The following MEI1 variants were observed in gnomAD, a reference collection of about 807,000 sequenced individuals.
MEI1 encodes the protein meiotic double-stranded break formation protein 1.
Under a neutral mutation model 146.2 loss-of-function variants are expected in MEI1, and 103 were observed. That is an observed-to-expected ratio of 0.70 (90% confidence interval 0.60 to 0.83). The LOEUF (loss-of-function observed/expected upper bound fraction) is 0.83, where lower values mean the gene tolerates loss of function less well. MEI1 is among the 40% of genes least tolerant of loss of function. The probability of loss-of-function intolerance (pLI) is 0.00; values close to 1 mark genes in which losing one functional copy is unlikely to be tolerated. For synonymous variants in MEI1, 652 were observed against 628.2 expected, an observed-to-expected ratio of 1.04 and a Z score of -0.57; for missense variants, 1,529 against 1,533.0, an observed-to-expected ratio of 1.00 and a Z score of 0.04.
At chr22:41,718,715 G>T (rs1038039703) in intron 6 of MEI1, among the ~76,000 whole-genome samples, 2 of 152,062 alleles carry the variant, frequency 1.3e-5, no homozygotes, top group African/African-American at 4.8e-5. Context: ...AAAACTTATT[G>T]GTTCAGAAAT....
intron 1 of MEI1, among the ~76,000 whole-genome samples, chr22:41,701,064 C>T (rs1199870736): frequency 6.6e-6 from 1 of 151,742 alleles, no homozygotes; most frequent in African/African-American, 2.4e-5. Flanking sequence ...CTCAGCCTTC[C>T]GAGTAGCTGG....
At chr22:41,750,007 G>T (rs2073641048) in intron 15 of MEI1, among the ~76,000 whole-genome samples, 1 of 152,072 alleles carries the variant, frequency 6.6e-6, no homozygotes, top group South Asian at 2.1e-4. Flanking sequence ...GAGAGATCTG[G>T]GATTTAGATA....
intron 26 of MEI1, among the ~76,000 whole-genome samples, chr22:41,786,201 C>T (rs1257110645): frequency 6.6e-6 from 1 of 152,118 alleles, no homozygotes; most frequent in Non-Finnish European, 1.5e-5. Flanking sequence ...TGAGCCACCG[C>T]GCCCGGCCCC....
At chr22:41,777,454 C>T (rs1455938403) in intron 21 of MEI1, among the ~76,000 whole-genome samples, 1 of 152,090 alleles carries the variant, frequency 6.6e-6, no homozygotes, top group Non-Finnish European at 1.5e-5. Flanking sequence ...CCACACTCGG[C>T]CTAAAATTAT....
intron 15 of MEI1, among the ~76,000 whole-genome samples, chr22:41,749,137 TATC>T (rs1337231441): frequency 6.6e-6 from 1 of 152,184 alleles, no homozygotes; most frequent in Admixed American, 6.5e-5. Flanking sequence ...ATTTGGCTCT[TATC>T]ATTATAATTT....
At chr22:41,763,430 G>C in intron 19 of MEI1, 109 bp downstream of exon 19, 1 of 1,265,718 alleles carries the variant, frequency 7.9e-7, no homozygotes, top group Non-Finnish European at 1.1e-6. Context: ...GGTAGAGAGA[G>C]ACAAAGCGGA....
chr22:41,784,658 G>T lies in MEI1; in HGVS notation c.3220G>T (p.Ala1074Ser), dbSNP rs552706678. 18 of 1,613,650 alleles carry T rather than the reference G, an allele frequency of 1.1e-5. No homozygotes were observed. In the South Asian group the frequency reaches 1.6e-4, roughly 15 times the overall value. Reference protein sequence around the residue: ...RTALRQSFSSALVALVPSGAQ... With the variant: ...RTALRQSFSSSLVALVPSGAQ... The stretch of plus-strand genomic sequence containing the variant: ...AGCCCTGCGACAAAGCTTTTCCTCT[G>T]CCCTGGTAGCCCTGGTGCCCTCAGG... Residue 1074 changes from alanine to serine, a missense_variant, in exon 26 of 31, where the codon GCC becomes TCC. This residue lies in a region of MEI1 where 313 missense variants were observed against 337.3 expected (regional missense o/e 0.93). Transcript: ENST00000401548.
intron 3 of MEI1, among the ~76,000 whole-genome samples, chr22:41,707,230 G>C (rs2069166600): frequency 6.6e-6 from 1 of 151,822 alleles, no homozygotes; most frequent in African/African-American, 2.4e-5. Context: ...TGGTTAAGTA[G>C]GTAACTGAAG....
chr22:41,754,993 G>A (rs2073999837), intron 17 of MEI1, among the ~76,000 whole-genome samples: 1 of 152,174 alleles, frequency 6.6e-6, no homozygotes, highest in Non-Finnish European at 1.5e-5. Flanking sequence ...AGAGGTCTGA[G>A]TCAAGTAAAG....
At chr22:41,770,617 T>G in intron 19 of MEI1, 69 bp from the exon 20 acceptor site, 1 of 1,447,336 alleles carries the variant, frequency 6.9e-7, no homozygotes, top group Admixed American at 2.3e-5. Flanking sequence ...TAGTCATCTC[T>G]TGGCCATGTT....
At chr22:41,737,495 T>C (rs1459168262) in intron 11 of MEI1, among the ~76,000 whole-genome samples, 1 of 151,974 alleles carries the variant, frequency 6.6e-6, no homozygotes, top group Non-Finnish European at 1.5e-5. Context: ...TGCCTCGGCC[T>C]TCCAAAGTGC....
At chr22:41,716,693 T>TC (rs1440335803) in intron 5 of MEI1, among the ~76,000 whole-genome samples, 1 of 143,468 alleles carries the variant, frequency 7.0e-6, no homozygotes, top group East Asian at 2.1e-4. Context: ...ATTCTTTTTT[T>TC]TTTTTTTTTT....
intron 19 of MEI1, among the ~76,000 whole-genome samples, chr22:41,769,136 TG>T (rs1433917773): frequency 6.6e-6 from 1 of 152,030 alleles, no homozygotes; most frequent in East Asian, 1.9e-4. Flanking sequence ...AGAACAAAGT[TG>T]GAAGACTCAT....
chr22:41,778,715 G>A lies in MEI1; in HGVS notation c.2718G>A (p.Gly906=), dbSNP rs762358058. 1 of 1,602,968 alleles carries A rather than the reference G, an allele frequency of 6.2e-7. No individual in the cohort carries two copies. Among genetic ancestry groups the A allele is most frequent in the South Asian group, 1.1e-5 (1 of 88,640 alleles). ...EHGASPSGAS[G]NLPLLLSLLS... ...CCTCCTTGTTCTTCACAGCCTCGGG[G>A]AACCTACCATTGCTGCTGAGCCTCC... Residue 906 remains glycine, a synonymous_variant, in exon 22 of 31, where the codon GGG becomes GGA. Transcript: ENST00000401548.
intron 1 of MEI1, among the ~76,000 whole-genome samples, chr22:41,701,459 A>T (rs184127047): frequency 2.5e-3 from 374 of 152,052 alleles, no homozygotes; most frequent in Non-Finnish European, 3.9e-3. Context: ...AAAAAATTTA[A>T]AAAAAAATGA....
At chr22:41,798,823 C>T (rs1427704159) in intron 30 of MEI1, among the ~76,000 whole-genome samples, 1 of 147,876 alleles carries the variant, frequency 6.8e-6, no homozygotes, top group African/African-American at 2.5e-5. Flanking sequence ...ACCAGAGAGC[C>T]GAGATTGTGC....
At chr22:41,743,363 A>G (rs983795791) in intron 12 of MEI1, among the ~76,000 whole-genome samples, 169 bp downstream of exon 12, 2 of 152,156 alleles carry the variant, frequency 1.3e-5, no homozygotes, top group African/African-American at 2.4e-5. Flanking sequence ...AAGCTTAAGG[A>G]TTACTATTGT....
intron 1 of MEI1, among the ~76,000 whole-genome samples, chr22:41,700,468 T>C (rs2068617137): frequency 6.6e-6 from 1 of 152,106 alleles, no homozygotes; most frequent in Non-Finnish European, 1.5e-5. Context: ...GTAGCTGGGA[T>C]TACAGGCTCC....
chr22:41,768,262 G>T (rs186605235), intron 19 of MEI1, among the ~76,000 whole-genome samples: 278 of 152,092 alleles, frequency 1.8e-3, no homozygotes, highest in Non-Finnish European at 3.3e-3. Flanking sequence ...TGCGCCTGTA[G>T]TCCCAGCTAC....
Sources: gnomAD v4.1 joint callset for allele counts (sites outside exome capture counted in the v4.1 genomes callset) on GRCh38, gnomAD v4.1.1 for gene constraint, gnomAD v4.1.1 regional missense constraint, MANE v1.5 for transcripts, NCBI Gene and HGNC (gene_info 2026-07-23, HGNC 2026-07-21) for gene names.